The following CRTAC1 variants were observed in gnomAD, a reference collection of about 807,000 sequenced individuals.
CRTAC1 encodes the protein cartilage acidic protein 1, also known as acidic secreted protein in cartilage.
Under a neutral mutation model 67.8 loss-of-function variants are expected in CRTAC1, and 37 were observed. That is an observed-to-expected ratio of 0.55 (90% CI 0.42 to 0.72). The LOEUF (loss-of-function observed/expected upper bound fraction) is 0.72. CRTAC1 is among the 30% of genes least tolerant of loss of function. The pLI is 0.00. For missense variants in CRTAC1, 780 were observed against 931.6 expected (o/e 0.84, Z 2.12); for synonymous variants, 348 against 371.0 (o/e 0.94, Z 0.71).
intron 3 of CRTAC1, among the ~76,000 whole-genome samples, chr10:97,925,497 G>T (rs1433073212): frequency 6.6e-6 from 1 of 151,694 alleles, no homozygotes; most frequent in African/African-American, 2.4e-5. Context: ...GCATGAGTGA[G>T]TGAGAATGTG....
In CRTAC1 at chr10:97,895,770, C is replaced by T. The variant is rs2050448534; in HGVS notation, c.1317+115G>A. 1.2e-6 allele frequency: 1 copy of T among 822,456 alleles called. No homozygotes were observed. Among genetic ancestry groups the T allele is most frequent in the Admixed American group, 2.5e-5 (1 of 39,534 alleles). The allele number at this position is 822,456 out of a possible 1,614,324, so 50.9% of individuals were successfully genotyped here. On this transcript the variant is annotated intron_variant, in intron 10 of 14. Transcript: ENST00000370597. The surrounding 1 kb of genome is among the most constrained non-coding windows in gnomAD (Gnocchi z 4.2). ...TACTTCCCTCCTCCAGGGCCCGGGA[C>T]TTCCATTACCCACCATGCTGGCCAA...
At chr10:97,911,266 C>T (rs1369729745) in intron 5 of CRTAC1, among the ~76,000 whole-genome samples, 1 of 152,260 alleles carries the variant, frequency 6.6e-6, no homozygotes, top group Non-Finnish European at 1.5e-5. Context: ...CTCTGGCTCC[C>T]AAGCTGTGAC....
intron 4 of CRTAC1, among the ~76,000 whole-genome samples, chr10:97,922,195 C>T (rs2050849841): frequency 6.6e-6 from 1 of 152,188 alleles, no homozygotes; most frequent in Non-Finnish European, 1.5e-5. Context: ...TTCCCATCTA[C>T]TCCCACCAGG....
intron 2 of CRTAC1, among the ~76,000 whole-genome samples, chr10:97,960,135 T>C (rs1043392578): frequency 6.6e-6 from 1 of 152,220 alleles, no homozygotes; most frequent in Admixed American, 6.5e-5. Context: ...GCTCCCGAAG[T>C]TCCCAGACAT....
Position 97,865,657 on chromosome 10 carries a change from G to A in CRTAC1, c.1877C>T (p.Thr626Ile). ...RPTTPTAAAA[T>I]AAAAAAAGAA... ...TCCAGCAGCGGCAGCAGCAGCGGCA[G>A]TGGCAGCAGCAGCGGTGGGGGTGGT... The change falls in exon 15 of 15, where the codon ACT becomes ATT. Residue 626 changes from threonine (T) to isoleucine (I), a missense_variant. By Grantham distance (89) the Thr-to-Ile change is moderately conservative (BLOSUM62 -1). Coordinates refer to ENST00000370597, the MANE Select transcript of CRTAC1 (RefSeq NM_018058.7). 6.2e-7 allele frequency: 1 copy of A among 1,611,556 alleles called. No homozygotes were observed. The highest frequency in any genetic ancestry group is 2.2e-5 in the East Asian group (1 of 44,766).
At chr10:97,947,449 A>G (rs2051283564) in intron 2 of CRTAC1, among the ~76,000 whole-genome samples, 1 of 152,246 alleles carries the variant, frequency 6.6e-6, no homozygotes, top group African/African-American at 2.4e-5. Context: ...TTTATGAAAG[A>G]AATGGTGTGA....
At chr10:97,879,612 C>T (rs752657958) in intron 14 of CRTAC1, 361 of 1,507,834 alleles carry the variant, frequency 2.4e-4, no homozygotes, top group Admixed American at 1.0e-3. Context: ...GAGAGACAAG[C>T]AGCAGGAGAG....
intron 2 of CRTAC1, among the ~76,000 whole-genome samples, chr10:97,993,916 GTGTC>G (rs1347708610): frequency 6.6e-6 from 1 of 152,060 alleles, no homozygotes; most frequent in East Asian, 1.9e-4. Context: ...GAGTGCAATG[GTGTC>G]ATCTTGGCTC....
rs538054271 is a variant in CRTAC1 at position 97,943,779 on chromosome 10, C to T, written c.225-7413G>A. Among the ~76,000 whole-genome samples, 3 of 152,336 alleles carry T rather than the reference C, an allele frequency of 2.0e-5. No individual in the cohort carries two copies. The South Asian group carries it at 6.2e-4, about 32-fold the overall frequency. On this transcript the variant is annotated intron_variant, in intron 2 of 14. Transcript: ENST00000370597. ...ACATACTCATTCACTTATGTACTATCTATGGCTGCTTTTGCTAAATATTGA... is the reference window on the plus strand; with the variant it reads ...ACATACTCATTCACTTATGTACTATTTATGGCTGCTTTTGCTAAATATTGA...
chr10:97,918,178 A>G (rs1425880960), intron 4 of CRTAC1, among the ~76,000 whole-genome samples: 2 of 152,076 alleles, frequency 1.3e-5, no homozygotes, highest in Non-Finnish European at 2.9e-5. Context: ...GTAGCACGAG[A>G]GGCACAGATT....
intron 14 of CRTAC1, chr10:97,879,843 GA>G: frequency 1.8e-6 from 1 of 560,212 alleles, no homozygotes; most frequent in Non-Finnish European, 3.1e-6. Flanking sequence ...ATGGGAAAAA[GA>G]GAAAGGGGGT....
chr10:97,877,063 G>A (rs748508341), intron 14 of CRTAC1, among the ~76,000 whole-genome samples: 2 of 151,254 alleles, frequency 1.3e-5, no homozygotes, highest in Non-Finnish European at 2.9e-5. Context: ...AAGCATCTTG[G>A]GGGCAGGGGA....
At chr10:97,953,057 G>A (rs1173232130) in intron 2 of CRTAC1, among the ~76,000 whole-genome samples, 1 of 152,070 alleles carries the variant, frequency 6.6e-6, no homozygotes, top group Non-Finnish European at 1.5e-5. Context: ...CTTGCTCAGG[G>A]CAGACAGGAA....
chr10:97,997,059 G>A (rs1842590210), intron 2 of CRTAC1, among the ~76,000 whole-genome samples: 1 of 134,332 alleles, frequency 7.4e-6, no homozygotes, highest in Non-Finnish European at 1.6e-5. Flanking sequence ...CACAGGAAGG[G>A]GAACATCACA....
intron 1 of CRTAC1, among the ~76,000 whole-genome samples, chr10:98,023,723 T>G (rs1216413801): frequency 6.6e-6 from 1 of 152,190 alleles, no homozygotes; most frequent in East Asian, 1.9e-4. Context: ...TTACAGGGAC[T>G]GACCTCCAGA....
intron 2 of CRTAC1, among the ~76,000 whole-genome samples, chr10:97,968,581 G>A (rs532667007): frequency 1.3e-4 from 20 of 152,274 alleles, no homozygotes; most frequent in African/African-American, 4.8e-4. Context: ...GATCTAGTCG[G>A]GGTAAATGGG....
chr10:97,904,719 G>C lies in CRTAC1; in HGVS notation c.946C>G (p.Pro316Ala). 6.2e-7 allele frequency: 1 copy of C among 1,602,696 alleles called. No homozygotes were observed. The highest frequency in any genetic ancestry group is 8.5e-7 in the Non-Finnish European group (1 of 1,175,004). The change falls in exon 7 of 15, where the codon CCC (proline) becomes GCC (alanine). Residue 316 changes from proline to alanine, a missense_variant. By Grantham distance (27) the Pro-to-Ala change is conservative. Transcript: ENST00000370597. Reference sequence around the variant, plus strand: ...CTCATTTGCAGATAGAGGCGGTGGGGGCCATTCCAGTTGCCATAGACGATG... The same window carrying C: ...CTCATTTGCAGATAGAGGCGGTGGGCGCCATTCCAGTTGCCATAGACGATG... The part of the protein sequence containing the change: ...VDIVYGNWNG[P>A]HRLYLQMSTH...
chr10:97,880,408 A>G lies in CRTAC1; in HGVS notation c.1676-16T>C. 6.2e-7 allele frequency: 1 copy of G among 1,610,688 alleles called. No homozygotes were observed. Among genetic ancestry groups the G allele is most frequent in the Non-Finnish European group, 8.5e-7 (1 of 1,177,106 alleles). ...TCATTGGTGTCTGCAAGGCGAGGGGAACCACTCACCATGAAGGTGTGGGGC... is the reference window on the plus strand; with the variant it reads ...TCATTGGTGTCTGCAAGGCGAGGGGGACCACTCACCATGAAGGTGTGGGGC... On this transcript the variant is annotated splice_polypyrimidine_tract_variant and intron_variant, in intron 13 of 14. Coordinates refer to ENST00000370597, the MANE Select transcript of CRTAC1 (RefSeq NM_018058.7).
intron 2 of CRTAC1, among the ~76,000 whole-genome samples, chr10:97,963,366 G>A (rs751642130): frequency 6.6e-6 from 1 of 152,170 alleles, no homozygotes; most frequent in Admixed American, 6.5e-5. Context: ...GACTTCTAGA[G>A]TCAGAAACTC....
Sources: allele counts gnomAD v4.1 joint callset (sites outside exome capture counted in the v4.1 genomes callset), GRCh38; gene constraint gnomAD v4.1.1; non-coding constraint Gnocchi (gnomAD v3.1); transcripts MANE v1.5; gene names NCBI Gene and HGNC (gene_info 2026-07-23, HGNC 2026-07-21).